The following STRN variants were observed in gnomAD, a reference collection of about 807,000 sequenced individuals.
STRN encodes striatin, also known as protein phosphatase 2 regulatory subunit B'''alpha.
In STRN, 53 loss-of-function variants were observed where a neutral mutation model predicts 96.3. The ratio of observed to expected loss-of-function variants is 0.55; its 90% CI spans 0.44 to 0.69. The LOEUF (loss-of-function observed/expected upper bound fraction) is 0.69. STRN is among the 30% of genes least tolerant of loss of function. The pLI, the probability that STRN is intolerant of heterozygous loss-of-function variation, is 0.00. For synonymous variants in STRN, 428 were observed against 355.9 expected, an observed-to-expected ratio of 1.20 and a Z score of -2.28; for missense variants, 987 against 963.9, an observed-to-expected ratio of 1.02 and a Z score of -0.32.
chr2:36,910,772 T>G (rs554649582), intron 3 of STRN, among the ~76,000 whole-genome samples: 1 of 152,270 alleles, frequency 6.6e-6, no homozygotes, highest in Admixed American at 6.5e-5. Flanking sequence ...AATTTCTCAA[T>G]TAAAAGACAG....
intron 6 of STRN, among the ~76,000 whole-genome samples, chr2:36,895,756 CAAAA>C (rs55863837): frequency 3.1e-5 from 4 of 130,902 alleles, no homozygotes; most frequent in Admixed American, 7.5e-5. Context: ...ACTAAAAATA[CAAAA>C]AAAAAAAAAA....
chr2:36,916,922 A>G (rs986555456), intron 2 of STRN, among the ~76,000 whole-genome samples: 23 of 152,230 alleles, frequency 1.5e-4, no homozygotes, highest in African/African-American at 4.8e-4. Flanking sequence ...AAAAATAGCC[A>G]TATCTGCTTA....
chr2:36,957,510 C>T (rs1664918330), intron 1 of STRN, among the ~76,000 whole-genome samples: 1 of 152,000 alleles, frequency 6.6e-6, no homozygotes, highest in African/African-American at 2.4e-5. Context: ...ATCGCTGGAA[C>T]CTGGAAGGCA....
intron 2 of STRN, among the ~76,000 whole-genome samples, chr2:36,921,730 T>C (rs1670261411): frequency 6.6e-6 from 1 of 152,106 alleles, no homozygotes; most frequent in Non-Finnish European, 1.5e-5. Context: ...CAGCAGCTAC[T>C]GTGTTATCAT....
rs1244825612 is a variant in STRN at position 36,847,645 on chromosome 2, T to A, written c.*1811A>T. 1 of 152,150 alleles carries A rather than the reference T, an allele frequency of 6.6e-6. No homozygotes were observed. The highest frequency in any genetic ancestry group is 1.5e-5 in the Non-Finnish European group (1 of 68,018). The allele number at this position is 152,150 out of a possible 1,614,324, so 9.4% of individuals were successfully genotyped here. A position where few individuals can be genotyped will look rare whatever the true frequency, so the allele number is the denominator to read the frequency against. On this transcript the variant is annotated 3_prime_UTR_variant, in exon 18 of 18. Coordinates refer to ENST00000263918, the MANE Select transcript of STRN (RefSeq NM_003162.4). Reference sequence around the variant, plus strand: ...AAGGTAGCTGTATTACTACAGCATATCTGTATGAAAATCAGGCAAATTTAG... The same window carrying A: ...AAGGTAGCTGTATTACTACAGCATAACTGTATGAAAATCAGGCAAATTTAG...
At chr2:36,909,562 A>G (rs961619423) in intron 3 of STRN, among the ~76,000 whole-genome samples, 2 of 152,164 alleles carry the variant, frequency 1.3e-5, no homozygotes, top group Non-Finnish European at 2.9e-5. Context: ...ATTATCCCAG[A>G]CACCACCTAG....
At chr2:36,943,158 CTT>C (rs1670888467) in intron 1 of STRN, among the ~76,000 whole-genome samples, 1 of 151,876 alleles carries the variant, frequency 6.6e-6, no homozygotes, top group Non-Finnish European at 1.5e-5. Flanking sequence ...TTTTTAAATT[CTT>C]GTTAGTAAAA....
intron 1 of STRN, among the ~76,000 whole-genome samples, chr2:36,931,083 T>C (rs920002212): frequency 6.6e-6 from 1 of 151,596 alleles, no homozygotes; most frequent in African/African-American, 2.4e-5. Flanking sequence ...ACCCTACCTC[T>C]TTTTTTTCCC....
chr2:36,899,365 A>G (rs1191869101), intron 6 of STRN, among the ~76,000 whole-genome samples, 158 bp downstream of exon 6: 4 of 152,232 alleles, frequency 2.6e-5, no homozygotes, highest in African/African-American at 9.6e-5. Flanking sequence ...AATATTCTCA[A>G]CTTGAAATCA....
chr2:36,936,959 C>T (rs1670715691), intron 1 of STRN, among the ~76,000 whole-genome samples: 1 of 152,106 alleles, frequency 6.6e-6, no homozygotes, highest in African/African-American at 2.4e-5. Flanking sequence ...TTCATGATGG[C>T]AGAATTGTCC....
chr2:36,937,542 C>A (rs1194038116), intron 1 of STRN, among the ~76,000 whole-genome samples: 1 of 151,726 alleles, frequency 6.6e-6, no homozygotes, highest in Non-Finnish European at 1.5e-5. Flanking sequence ...TGGTGGTGCA[C>A]ACCTGTAGTC....
At position 36,869,631 on chromosome 2, in the gene STRN, A is replaced by C; in HGVS notation, c.1422T>G (p.Ile474Met). Reference protein sequence around the residue: ...DGIRALAFHPIEPVLITASED... With the variant: ...DGIRALAFHPMEPVLITASED... ...CTGATGCTGTTATCAAAACAGGCTC[A>C]ATGGGATGGAAAGCAAGGGCTCGGA... is the stretch of plus-strand genomic sequence containing the variant. Residue 474 changes from isoleucine to methionine, a missense_variant, in exon 11 of 18, where the codon ATT becomes ATG. Coordinates refer to ENST00000263918, the MANE Select transcript of STRN (RefSeq NM_003162.4). 1 of 1,613,168 alleles carries C rather than the reference A, an allele frequency of 6.2e-7. No homozygotes were observed. Among genetic ancestry groups the C allele is most frequent in the Middle Eastern group, 1.7e-4 (1 of 6,058 alleles).
At chr2:36,879,753 G>A (rs1474983169) in intron 9 of STRN, among the ~76,000 whole-genome samples, 18 of 152,116 alleles carry the variant, frequency 1.2e-4, no homozygotes, top group Non-Finnish European at 2.6e-4. Flanking sequence ...AAAGAAACAA[G>A]TCAACTGTAT....
chr2:36,934,415 A>G (rs1347021031), intron 1 of STRN, among the ~76,000 whole-genome samples: 1 of 152,234 alleles, frequency 6.6e-6, no homozygotes, highest in Non-Finnish European at 1.5e-5. Context: ...GAATTCCACA[A>G]AAAGATGTCT....
At chr2:36,946,829 T>TGATAGTTTCTAGTCAATGATTC (rs1468464208) in intron 1 of STRN, among the ~76,000 whole-genome samples, 7 of 152,254 alleles carry the variant, frequency 4.6e-5, no homozygotes, top group African/African-American at 1.4e-4. Context: ...GTAAAAAAGT[T>TGATAGTTTCTAGTCAATGATTC]GATAGTTTCT....
At chr2:36,960,527 T>C (rs957283640) in intron 1 of STRN, among the ~76,000 whole-genome samples, 2 of 152,208 alleles carry the variant, frequency 1.3e-5, no homozygotes, top group Non-Finnish European at 2.9e-5. Flanking sequence ...TCTGCAACCA[T>C]TTATTAAGCA....
intron 9 of STRN, 62 bp downstream of exon 9, chr2:36,883,870 G>A (rs1669142387): frequency 7.7e-7 from 1 of 1,299,914 alleles, no homozygotes; most frequent in Non-Finnish European, 9.9e-7. Context: ...CCTTTCTAAT[G>A]AATGAATTTA....
rs976833878 is a variant in STRN, at chr2:36,966,155, G to A, written c.234+75C>T. The A allele has an allele frequency of 2.2e-6, 3 of 1,367,692 alleles. No homozygotes were observed. In the African/African-American group the frequency reaches 4.6e-5, roughly 21 times the overall value. The allele number at this position is 1,367,692 out of a possible 1,614,324, so 84.7% of individuals were successfully genotyped here. ...GGGGACGCGAGAAGGCTGGGGGAGG[G>A]GGAGAAGGGTCCGGGGCGGGGCGGA... On this transcript the variant is annotated intron_variant, in intron 1 of 17. Transcript: ENST00000263918.
chr2:36,891,215 A>G (rs1669387871), intron 7 of STRN, among the ~76,000 whole-genome samples: 1 of 152,158 alleles, frequency 6.6e-6, no homozygotes, highest in African/African-American at 2.4e-5. Context: ...ACACCTCAAC[A>G]AGAAGAGTCA....
Sources: allele counts gnomAD v4.1 joint callset (sites outside exome capture counted in the v4.1 genomes callset), GRCh38; gene constraint gnomAD v4.1.1; transcripts MANE v1.5; gene names NCBI Gene and HGNC (gene_info 2026-07-23, HGNC 2026-07-21).